HNRNPR: variants seen among roughly 807,000 people sequenced by gnomAD.
HNRNPR encodes heterogeneous nuclear ribonucleoprotein R.
Under a neutral mutation model 70.3 loss-of-function variants are expected in HNRNPR, and 4 were observed. The ratio of observed to expected loss-of-function variants is 0.06; its 90% CI spans 0.03 to 0.13. The LOEUF (loss-of-function observed/expected upper bound fraction) is 0.13, where lower values mean the gene tolerates loss of function less well. Ranked by LOEUF, HNRNPR falls within the 10% of genes least tolerant of loss-of-function variation. The probability of loss-of-function intolerance (pLI) is 1.00; values close to 1 mark genes in which losing one functional copy is unlikely to be tolerated. For missense variants in HNRNPR, 423 were observed against 788.5 expected, an observed-to-expected ratio of 0.54 and a Z score of 5.55; for synonymous variants, 241 against 267.6, an observed-to-expected ratio of 0.90 and a Z score of 0.97.
At chr1:23,327,641 G>T (rs1646043205) in intron 5 of HNRNPR, among the ~76,000 whole-genome samples, 1 of 152,082 alleles carries the variant, frequency 6.6e-6, no homozygotes, top group Admixed American at 6.5e-5. Context: ...AGTGAGCGGA[G>T]ATCACGCCAC....
At chr1:23,315,136 C>T (rs1220440285) in intron 8 of HNRNPR, among the ~76,000 whole-genome samples, 2 of 151,808 alleles carry the variant, frequency 1.3e-5, no homozygotes, top group East Asian at 1.9e-4. Context: ...AAAAATTAGC[C>T]GGGCGTGGTA....
In HNRNPR at chr1:23,318,628, A is replaced by T; in HGVS notation, c.872T>A (p.Phe291Tyr). ...GTGATCCTCATATTCAAGGAAGCAG[A>T]ACCCCCGATTCTTCTTTTTGTCATC... ...QPDDKKKNRG[F>Y]CFLEYEDHKS... The change falls in exon 8 of 11, where the codon TTC (phenylalanine) becomes TAC (tyrosine). Residue 291 changes from phenylalanine (F) to tyrosine (Y), a missense_variant. Around this residue, in one of 7 missense-constraint regions of HNRNPR, gnomAD observed 46 missense variants for 164.6 expected, o/e 0.28. Coordinates refer to ENST00000302271, the MANE Select transcript of HNRNPR (RefSeq NM_005826.5). The surrounding 1 kb of genome is among the most constrained non-coding windows in gnomAD (Gnocchi z 4.2). The T allele has an allele frequency of 6.2e-7, 1 of 1,614,206 alleles. No homozygotes were observed. Among genetic ancestry groups the T allele is most frequent in the Non-Finnish European group, 8.5e-7 (1 of 1,180,040 alleles).
At position 23,321,514 on chromosome 1, in the gene HNRNPR, C is replaced by T; in HGVS notation, c.811+14G>A. On this transcript the variant is annotated intron_variant, in intron 7 of 10. Transcript: ENST00000302271. The stretch of plus-strand genomic sequence containing the variant: ...ATTTCGCAAAAGTAATTTCTAAATA[C>T]ATTTTTGTTTTACCTGTGACTTTAC... The T allele has an allele frequency of 6.2e-7, 1 of 1,608,172 alleles. No individual in the cohort carries two copies. The highest frequency in any genetic ancestry group is 2.2e-5 in the East Asian group (1 of 44,828).
rs927714294 is a variant in HNRNPR, at chr1:23,333,440, G to A, written c.498+78C>T. On this transcript the variant is annotated intron_variant, in intron 5 of 10. Coordinates refer to ENST00000302271, the MANE Select transcript of HNRNPR (RefSeq NM_005826.5). ...TGAAAGGGATCAAGAATTTTCCCCC[G>A]TCTGTACAGTATCTGCATAGTAGAT... 6.1e-5 allele frequency: 50 copies of A among 818,302 alleles called. 1 individual carries two copies. The highest frequency in any genetic ancestry group is 1.2e-4 in the Admixed American group (6 of 50,604). The allele number at this position is 818,302 out of a possible 1,614,324, so 50.7% of individuals were successfully genotyped here.
chr1:23,328,767 T>A (rs1291050486), intron 5 of HNRNPR, among the ~76,000 whole-genome samples: 2 of 152,206 alleles, frequency 1.3e-5, no homozygotes, highest in African/African-American at 4.8e-5. Flanking sequence ...TCCAAAGTTT[T>A]GGGATTACAG....
In HNRNPR at chr1:23,310,521, C is replaced by T; in HGVS notation, c.1835G>A (p.Gly612Asp). ...GTTGTCATTATTGTAACCATAGTTACCAGAATAGTCACCACCTTGCTGAAG... is the reference window on the plus strand; with the variant it reads ...GTTGTCATTATTGTAACCATAGTTATCAGAATAGTCACCACCTTGCTGAAG... The part of the protein sequence containing the change: ...QPLQQGGDYS[G>D]NYGYNNDNQE... The change falls in exon 11 of 11, where the codon GGT becomes GAT. Residue 612 changes from glycine (G) to aspartate (D), a missense_variant. Coordinates refer to ENST00000302271, the MANE Select transcript of HNRNPR (RefSeq NM_005826.5). This position sits in a 1 kb window ranked among gnomAD's most constrained non-coding sequence, Gnocchi z 6.0. 6.2e-7 allele frequency: 1 copy of T among 1,613,982 alleles called. No individual in the cohort carries two copies. The highest frequency in any genetic ancestry group is 8.5e-7 in the Non-Finnish European group (1 of 1,179,958).
At chr1:23,340,069 T>C (rs1213937160) in intron 2 of HNRNPR, among the ~76,000 whole-genome samples, 1 of 151,838 alleles carries the variant, frequency 6.6e-6, no homozygotes, top group Admixed American at 6.6e-5. Context: ...GCTACTACTG[T>C]ACTTAAGACA....
Position 23,340,994 on chromosome 1 carries a change from CA to C in HNRNPR, c.14del (p.Val5GlyfsTer8). On this transcript the variant is annotated frameshift_variant, in exon 2 of 11. Transcript: ENST00000302271. LOFTEE classifies it high-confidence loss of function. The stretch of plus-strand genomic sequence containing the variant: ...CTTTTAACTGTACCGCATTACCATT[CA>C]CCTGATTAGCCATTTTATTATGCTG... MANQVNGNAVQLKEE... is the reference protein window; with the variant it reads MANQXNGNAVQLKEE... 6.2e-7 allele frequency: 1 copy of C among 1,607,754 alleles called. No individual in the cohort carries two copies. Among genetic ancestry groups the C allele is most frequent in the Non-Finnish European group, 8.5e-7 (1 of 1,178,002 alleles).
At chr1:23,312,067 T>C (rs1279570767) in intron 9 of HNRNPR, among the ~76,000 whole-genome samples, 1 of 152,188 alleles carries the variant, frequency 6.6e-6, no homozygotes, top group Admixed American at 6.5e-5. Flanking sequence ...TAACAAAATG[T>C]CACCTCCTCA....
At chr1:23,313,060 A>T (rs1645397473) in intron 9 of HNRNPR, among the ~76,000 whole-genome samples, 1 of 152,216 alleles carries the variant, frequency 6.6e-6, no homozygotes, top group South Asian at 2.1e-4. Context: ...CAATTACCGA[A>T]ATCAGTAAAA....
chr1:23,322,464 G>C (rs371508833), intron 6 of HNRNPR, among the ~76,000 whole-genome samples: 15 of 152,146 alleles, frequency 9.9e-5, no homozygotes, highest in Admixed American at 5.9e-4. Flanking sequence ...TTGAACTCCT[G>C]ACCTCAGGTG....
intron 2 of HNRNPR, among the ~76,000 whole-genome samples, chr1:23,339,300 T>C (rs1328680094): frequency 6.6e-6 from 1 of 152,236 alleles, no homozygotes; most frequent in Non-Finnish European, 1.5e-5. Context: ...AGTGACAAGC[T>C]GAGATTTAAA....
chr1:23,316,260 G>A (rs1645541712), intron 8 of HNRNPR, among the ~76,000 whole-genome samples: 2 of 152,270 alleles, frequency 1.3e-5, no homozygotes, highest in Admixed American at 6.5e-5. Flanking sequence ...TGCTATGACT[G>A]CACATGTGGG....
At chr1:23,313,406 T>C in intron 9 of HNRNPR, 147 bp downstream of exon 9, 1 of 586,674 alleles carries the variant, frequency 1.7e-6, no homozygotes, top group Non-Finnish European at 3.0e-6. Flanking sequence ...ATCTGTTACA[T>C]ACTATTACCA....
chr1:23,327,721 G>A (rs1646047242), intron 5 of HNRNPR, among the ~76,000 whole-genome samples: 1 of 151,332 alleles, frequency 6.6e-6, no homozygotes, highest in Admixed American at 6.6e-5. Flanking sequence ...AATAAATAGT[G>A]ATTATATGAT....
chr1:23,315,275 G>A (rs1335628652), intron 8 of HNRNPR, among the ~76,000 whole-genome samples: 49 of 115,368 alleles, frequency 4.2e-4, no homozygotes, highest in African/African-American at 1.7e-3. Context: ...GCAAGGCTCC[G>A]TCTCAAAAAA....
At position 23,305,360 on chromosome 1, in the gene HNRNPR, T is replaced by C. The variant is rs533461267; in HGVS notation, c.*5094A>G. The C allele has an allele frequency of 2.1e-4, 32 of 152,284 alleles. No homozygotes were observed. The highest frequency in any genetic ancestry group is 7.0e-4 in the African/African-American group (29 of 41,560). 9.4% of individuals were successfully genotyped at this position (152,284 alleles called of 1,614,324 possible). Reference sequence around the variant, plus strand: ...GCAATCACTACAATTCTTAAAAGTATTACATAATTTCATTCTAGTGTTGTA... The same window carrying C: ...GCAATCACTACAATTCTTAAAAGTACTACATAATTTCATTCTAGTGTTGTA... On this transcript the variant is annotated 3_prime_UTR_variant, in exon 11 of 11. Coordinates refer to ENST00000302271, the MANE Select transcript of HNRNPR (RefSeq NM_005826.5).
rs1313728019 is a variant in HNRNPR, at chr1:23,331,407, A to T, written c.498+2111T>A. 7.9e-5 allele frequency among the ~76,000 whole-genome samples: 8 copies of T among 101,868 alleles called. No individual in the cohort carries two copies. The Admixed American group carries it at 1.2e-3, about 15-fold the overall frequency. 66.8% of individuals were successfully genotyped at this position (101,868 alleles called of 152,430 possible). A position where few individuals can be genotyped will look rare whatever the true frequency, so the allele number is the denominator to read the frequency against. The stretch of plus-strand genomic sequence containing the variant: ...GAGACTCCATCTCCACAAAAAATTA[A>T]AAAAAAAAAAAAAAATAGCTGGGCT... On this transcript the variant is annotated intron_variant, in intron 5 of 10. Transcript: ENST00000302271.
chr1:23,342,342 G>A (rs1184666577), intron 1 of HNRNPR, among the ~76,000 whole-genome samples: 1 of 152,158 alleles, frequency 6.6e-6, no homozygotes, highest in Non-Finnish European at 1.5e-5. Flanking sequence ...GTAATAGAGA[G>A]TAGGAAGAAG....
Sources: gnomAD v4.1 joint callset for allele counts (sites outside exome capture counted in the v4.1 genomes callset) on GRCh38, gnomAD v4.1.1 for gene constraint, gnomAD v4.1.1 regional missense constraint, Gnocchi (gnomAD v3.1) non-coding constraint, MANE v1.5 for transcripts, NCBI Gene and HGNC (gene_info 2026-07-23, HGNC 2026-07-21) for gene names.